The following ASTN1 variants were observed in gnomAD, a reference collection of about 807,000 sequenced individuals.
ASTN1 encodes astrotactin-1.
In ASTN1, 41 loss-of-function variants were observed where a neutral mutation model predicts 140.7. The ratio of observed to expected loss-of-function variants is 0.29; its 90% CI spans 0.23 to 0.38. ASTN1 has a LOEUF of 0.38. ASTN1 is among the 10% of genes least tolerant of loss of function. The pLI is 1.00. For missense variants in ASTN1, 1,479 were observed against 1,678.8 expected (o/e 0.88, Z 2.08); for synonymous variants, 640 against 652.2 (o/e 0.98, Z 0.29).
intron 1 of ASTN1, among the ~76,000 whole-genome samples, chr1:177,117,007 T>G (rs1375098191): frequency 6.6e-6 from 1 of 152,148 alleles, no homozygotes; most frequent in Non-Finnish European, 1.5e-5. Flanking sequence ...TGTCTCACAC[T>G]GAGCTCTACC....
intron 8 of ASTN1, among the ~76,000 whole-genome samples, chr1:177,010,027 G>A (rs935462749): frequency 6.6e-6 from 1 of 151,812 alleles, no homozygotes; most frequent in Non-Finnish European, 1.5e-5. Context: ...GAGGCCCTTG[G>A]GTGTACTTTT....
intron 8 of ASTN1, among the ~76,000 whole-genome samples, 198 bp downstream of exon 8, chr1:177,014,593 G>A (rs554520228): frequency 7.9e-5 from 12 of 152,162 alleles, no homozygotes; most frequent in Non-Finnish European, 1.2e-4. Flanking sequence ...TCAGAGGCTC[G>A]TAAATGGAGA....
chr1:177,085,388 C>A (rs987980440), intron 1 of ASTN1, among the ~76,000 whole-genome samples: 1 of 152,096 alleles, frequency 6.6e-6, no homozygotes. Flanking sequence ...TTATTTTAAA[C>A]CTGACAAGGA....
At chr1:176,932,901 C>T (rs1671267901) in intron 16 of ASTN1, among the ~76,000 whole-genome samples, 1 of 152,188 alleles carries the variant, frequency 6.6e-6, no homozygotes, top group Non-Finnish European at 1.5e-5. Context: ...TGGTTCAGTC[C>T]TCAGGCTCTG....
At chr1:176,871,009 C>T (rs1447869083) in intron 21 of ASTN1, among the ~76,000 whole-genome samples, 4 of 152,162 alleles carry the variant, frequency 2.6e-5, no homozygotes, top group African/African-American at 9.7e-5. Flanking sequence ...GGAGTCAAAA[C>T]TGAAAACTAT....
In ASTN1 at chr1:176,861,866, A is replaced by T. The variant is rs952556711; in HGVS notation, c.*2418T>A. 4.6e-5 allele frequency: 45 copies of T among 985,152 alleles called. No individual in the cohort carries two copies. The highest frequency in any genetic ancestry group is 4.9e-5 in the Non-Finnish European group (41 of 829,854). The allele number at this position is 985,152 out of a possible 1,614,324, so 61.0% of individuals were successfully genotyped here. ...ACTGAGGGAAAGATAGGAGAGAGGA[A>T]GATAGTGTGCCTAAAATAAAAACAG... On this transcript the variant is annotated 3_prime_UTR_variant, in exon 23 of 23. Coordinates refer to ENST00000361833, the MANE Select transcript of ASTN1 (RefSeq NM_004319.3).
At chr1:177,143,456 C>T (rs1682562906) in intron 1 of ASTN1, among the ~76,000 whole-genome samples, 1 of 152,168 alleles carries the variant, frequency 6.6e-6, no homozygotes, top group African/African-American at 2.4e-5. Context: ...AAGTTGCACC[C>T]TGAAGTTGTA....
At chr1:177,029,062 G>C (rs995171888) in intron 5 of ASTN1, among the ~76,000 whole-genome samples, 2 of 152,170 alleles carry the variant, frequency 1.3e-5, no homozygotes, top group Non-Finnish European at 2.9e-5. Context: ...CTCTGTCCAC[G>C]TGGAGGAGAA....
At chr1:176,922,212 C>G (rs1334435415) in intron 16 of ASTN1, among the ~76,000 whole-genome samples, 1 of 152,150 alleles carries the variant, frequency 6.6e-6, no homozygotes, top group Non-Finnish European at 1.5e-5. Context: ...CCCATTTGCA[C>G]TTCTGTTGAA....
chr1:177,163,586 TAAAC>T (rs1355270516), intron 1 of ASTN1, among the ~76,000 whole-genome samples: 1 of 152,032 alleles, frequency 6.6e-6, no homozygotes, highest in Non-Finnish European at 1.5e-5. Flanking sequence ...GAGAGAGATG[TAAAC>T]AAACAAAGGA....
chr1:176,869,466 C>T (rs1172809304), intron 21 of ASTN1, among the ~76,000 whole-genome samples: 1 of 152,116 alleles, frequency 6.6e-6, no homozygotes, highest in Non-Finnish European at 1.5e-5. Flanking sequence ...GGAAAAAGCT[C>T]ATATATTAAC....
chr1:177,150,079 AC>A, intron 1 of ASTN1, among the ~76,000 whole-genome samples: 2 of 152,050 alleles, frequency 1.3e-5, no homozygotes, highest in South Asian at 4.2e-4. Flanking sequence ...AAGTGGGTCT[AC>A]AAGTTTGTGT....
intron 1 of ASTN1, among the ~76,000 whole-genome samples, chr1:177,080,836 T>A (rs1679143832): frequency 1.3e-5 from 2 of 152,194 alleles, no homozygotes; most frequent in Admixed American, 6.5e-5. Context: ...GCAAGTTACA[T>A]AACCTCGAAG....
chr1:177,088,676 T>C (rs990003291), intron 1 of ASTN1, among the ~76,000 whole-genome samples: 2 of 152,206 alleles, frequency 1.3e-5, no homozygotes, highest in Non-Finnish European at 2.9e-5. Flanking sequence ...ATGCTCATTC[T>C]AAGAAGGCAC....
chr1:176,861,158 T>C lies in ASTN1; in HGVS notation c.*3126A>G. On this transcript the variant is annotated 3_prime_UTR_variant, in exon 23 of 23. Coordinates refer to ENST00000361833, the MANE Select transcript of ASTN1 (RefSeq NM_004319.3). ...CTCTTTTAAACAACACTGTTATACC[T>C]GAAGATGGTCATATTATATTCTTTC... 1 of 955,046 alleles carries C rather than the reference T, an allele frequency of 1.0e-6. No individual in the cohort carries two copies. Among genetic ancestry groups the C allele is most frequent in the African/African-American group, 1.8e-5 (1 of 56,670 alleles). 59.2% of individuals were successfully genotyped at this position (955,046 alleles called of 1,614,324 possible).
intron 15 of ASTN1, 86 bp downstream of exon 15, chr1:176,936,180 C>A: frequency 8.2e-7 from 1 of 1,214,542 alleles, no homozygotes. Flanking sequence ...GCTGCATCTT[C>A]GACAGTGGGA....
At chr1:177,054,870 T>C (rs966391208) in intron 2 of ASTN1, among the ~76,000 whole-genome samples, 1 of 152,098 alleles carries the variant, frequency 6.6e-6, no homozygotes, top group Non-Finnish European at 1.5e-5. Flanking sequence ...TAGAAACAGG[T>C]GTGAAAGAGC....
chr1:176,938,740 T>C (rs1671557261), intron 14 of ASTN1, among the ~76,000 whole-genome samples: 1 of 152,206 alleles, frequency 6.6e-6, no homozygotes, highest in Non-Finnish European at 1.5e-5. Context: ...TTTTCATATA[T>C]GAAAAGTGTA....
In ASTN1 at chr1:176,883,098, T is replaced by C. The variant is rs559926503; in HGVS notation, c.3227-104A>G. ...AGAACTTAACATGACAATGATTTGG[T>C]CCTCAATCTCTAGAGTAGAGAAGGA... is the stretch of plus-strand genomic sequence containing the variant. On this transcript the variant is annotated intron_variant, in intron 19 of 22. Transcript: ENST00000361833. The C allele has an allele frequency of 7.3e-5, 107 of 1,473,076 alleles. No homozygotes were observed. In the South Asian group the frequency reaches 1.2e-3, roughly 17 times the overall value. 91.3% of individuals were successfully genotyped at this position (1,473,076 alleles called of 1,614,324 possible). A position where few individuals can be genotyped will look rare whatever the true frequency, so the allele number is the denominator to read the frequency against.
Sources: gnomAD v4.1 joint callset for allele counts (sites outside exome capture counted in the v4.1 genomes callset) on GRCh38, gnomAD v4.1.1 for gene constraint, MANE v1.5 for transcripts, NCBI Gene and HGNC (gene_info 2026-07-23, HGNC 2026-07-21) for gene names.